Variants in ME3 observed in about 807,000 individuals in gnomAD.
ME3 encodes NADP-dependent malic enzyme, mitochondrial.
ME3 carries 48 observed loss-of-function variants against 68.9 expected under a neutral mutation model. That is an observed-to-expected ratio of 0.70 (90% CI 0.55 to 0.89). The LOEUF is 0.89. ME3 is among the 40% of genes least tolerant of loss of function. The pLI, the probability that ME3 is intolerant of heterozygous loss-of-function variation, is 0.00. For missense variants in ME3, 675 were observed against 797.4 expected, an observed-to-expected ratio of 0.85 and a Z score of 1.85; for synonymous variants, 320 against 318.8, an observed-to-expected ratio of 1.00 and a Z score of -0.04.
exon 13 of ME3, chr11:86,446,449 A>T (rs540187033): frequency 6.2e-7 from 1 of 1,614,112 alleles, no homozygotes; most frequent in East Asian, 2.2e-5. Context: ...CCAGAGTCAC[A>T]CTCTTAAAAG....
At chr11:86,658,418 C>A (rs1421841873) in intron 2 of ME3, among the ~76,000 whole-genome samples, 1 of 151,998 alleles carries the variant, frequency 6.6e-6, no homozygotes, top group South Asian at 2.1e-4. Context: ...CCACTGCACT[C>A]AGCCTGCAAT....
chr11:86,494,184 T>C (rs1255595158), intron 6 of ME3, among the ~76,000 whole-genome samples: 1 of 152,108 alleles, frequency 6.6e-6, no homozygotes, highest in Non-Finnish European at 1.5e-5. Context: ...TTCAAGTGGG[T>C]CTGGAGGGGG....
At chr11:86,666,299 C>T (rs626049) in intron 2 of ME3, among the ~76,000 whole-genome samples, 47,936 of 152,014 alleles carry the variant, frequency 0.32, 7,707 homozygotes, top group African/African-American at 0.37. Context: ...GTGGAATTCA[C>T]AGCAGAGGTA....
At chr11:86,522,032 C>T (rs970588563) in intron 4 of ME3, among the ~76,000 whole-genome samples, 3 of 152,168 alleles carry the variant, frequency 2.0e-5, no homozygotes, top group African/African-American at 7.2e-5. Flanking sequence ...GGTAGATCAC[C>T]TAAGGTCAGG....
intron 4 of ME3, among the ~76,000 whole-genome samples, chr11:86,535,502 C>T (rs563813812): frequency 6.6e-6 from 1 of 152,302 alleles, no homozygotes; most frequent in African/African-American, 2.4e-5. Flanking sequence ...TTCTCCCCAG[C>T]TGATAGGCTG....
At chr11:86,609,412 T>C (rs553935796) in intron 2 of ME3, among the ~76,000 whole-genome samples, 2 of 152,308 alleles carry the variant, frequency 1.3e-5, no homozygotes, top group Non-Finnish European at 2.9e-5. Context: ...CTCTGGGAGA[T>C]AGCCTGTGCC....
chr11:86,450,293 C>G lies in ME3; in HGVS notation c.1017+8G>C, dbSNP rs113712701. ...GGAGCAACCAAAGAAACCCTCAATG[C>G]CACATACCTCGCCTGCACCTTGGAA... On this transcript the variant is annotated splice_region_variant and intron_variant, in intron 9 of 14. Transcript: ENST00000543262. The G allele has an allele frequency of 1.2e-6, 2 of 1,613,642 alleles. No homozygotes were observed. The highest frequency in any genetic ancestry group is 3.3e-5 in the Admixed American group (2 of 60,018).
intron 2 of ME3, among the ~76,000 whole-genome samples, chr11:86,601,556 C>T (rs1184001105): frequency 2.0e-5 from 3 of 152,080 alleles, no homozygotes; most frequent in African/African-American, 4.8e-5. Flanking sequence ...CCTTCTGAAA[C>T]TATTCCAATC....
chr11:86,446,236 AAG>A, intron 13 of ME3, 76 bp downstream of exon 13: 1 of 1,515,204 alleles, frequency 6.6e-7, no homozygotes, highest in Non-Finnish European at 9.0e-7. Flanking sequence ...CAGAAGAGAT[AAG>A]AGAGATCTGG....
At chr11:86,667,098 T>G (rs1946633415) in intron 2 of ME3, among the ~76,000 whole-genome samples, 1 of 152,220 alleles carries the variant, frequency 6.6e-6, no homozygotes, top group African/African-American at 2.4e-5. Flanking sequence ...CTGCTCTAAA[T>G]GTATCAAGTC....
chr11:86,657,476 G>C (rs1237117930), intron 2 of ME3, among the ~76,000 whole-genome samples: 2 of 150,914 alleles, frequency 1.3e-5, no homozygotes, highest in African/African-American at 2.4e-5. Context: ...AGGAGGGGGT[G>C]TGGGGCAAGG....
At chr11:86,504,609 G>T (rs1465294091) in intron 5 of ME3, among the ~76,000 whole-genome samples, 1 of 149,620 alleles carries the variant, frequency 6.7e-6, no homozygotes, top group East Asian at 2.0e-4. Context: ...GGCCAGGCTG[G>T]TCTCAAACTC....
At chr11:86,540,072 G>A (rs1189265531) in intron 4 of ME3, among the ~76,000 whole-genome samples, 1 of 152,148 alleles carries the variant, frequency 6.6e-6, no homozygotes, top group Non-Finnish European at 1.5e-5. Context: ...TCTGAGCTAG[G>A]GAATCTGGAA....
intron 4 of ME3, among the ~76,000 whole-genome samples, chr11:86,520,657 A>G (rs959098003): frequency 1.3e-5 from 2 of 152,152 alleles, no homozygotes; most frequent in Admixed American, 6.5e-5. Context: ...ATTTTCCTCC[A>G]GTAGACTTGA....
intron 4 of ME3, among the ~76,000 whole-genome samples, chr11:86,520,814 AG>A (rs1954218045): frequency 6.6e-6 from 1 of 151,030 alleles, no homozygotes; most frequent in African/African-American, 2.5e-5. Context: ...TGGAGCATTT[AG>A]AACAAGGGCA....
At chr11:86,657,233 G>C (rs796099951) in intron 2 of ME3, among the ~76,000 whole-genome samples, 12 of 152,252 alleles carry the variant, frequency 7.9e-5, no homozygotes, top group African/African-American at 2.9e-4. Context: ...GCCCATCAAT[G>C]ATAGGCTGGA....
intron 7 of ME3, among the ~76,000 whole-genome samples, chr11:86,470,878 G>C (rs1434122104): frequency 6.6e-6 from 1 of 152,072 alleles, no homozygotes; most frequent in African/African-American, 2.4e-5. Context: ...GTTTATGTCG[G>C]CTACTTATTT....
exon 11 of ME3, chr11:86,448,176 C>T (rs765178055): frequency 1.2e-6 from 2 of 1,614,074 alleles, no homozygotes; most frequent in East Asian, 4.5e-5. Context: ...CTTCACCAGC[C>T]TCACCACCTC....
intron 7 of ME3, among the ~76,000 whole-genome samples, chr11:86,483,356 G>T (rs1308347168): frequency 1.3e-5 from 2 of 152,174 alleles, no homozygotes; most frequent in Non-Finnish European, 2.9e-5. Flanking sequence ...AGTGTGGAAG[G>T]TAACATTAAG....
Sources: gnomAD v4.1 joint callset for allele counts (sites outside exome capture counted in the v4.1 genomes callset) on GRCh38, gnomAD v4.1.1 for gene constraint, MANE v1.5 for transcripts, NCBI Gene and HGNC (gene_info 2026-07-23, HGNC 2026-07-21) for gene names.